Variants in MTUS2 observed in about 807,000 individuals in gnomAD.
The protein encoded by MTUS2 is microtubule associated scaffold protein 2.
In MTUS2, 40 loss-of-function variants were observed where a neutral mutation model predicts 114.1. The observed-to-expected ratio is 0.35, with a 90% CI of 0.27 to 0.46. The LOEUF (loss-of-function observed/expected upper bound fraction) is 0.46. Among genes scored for constraint, MTUS2 ranks in the 20% least tolerant of loss-of-function variants. The pLI is 1.00. For missense variants in MTUS2, 1,679 were observed against 1,705.4 expected (o/e 0.98, Z 0.27); for synonymous variants, 688 against 672.0 (o/e 1.02, Z -0.37).
At chr13:29,307,883 C>T (rs1899549973) in intron 6 of MTUS2, 1 of 565,502 alleles carries the variant, frequency 1.8e-6, no homozygotes, top group Non-Finnish European at 3.2e-6. Context: ...AGAATCCCCC[C>T]TCCTCAGAGT....
At chr13:29,204,233 C>G (rs1250438174) in intron 5 of MTUS2, among the ~76,000 whole-genome samples, 2 of 152,244 alleles carry the variant, frequency 1.3e-5, no homozygotes, top group Non-Finnish European at 2.9e-5. Flanking sequence ...GTTAGGATTA[C>G]AGGCATTAAC....
At chr13:29,204,051 C>T (rs1005997676) in intron 5 of MTUS2, among the ~76,000 whole-genome samples, 2 of 152,040 alleles carry the variant, frequency 1.3e-5, no homozygotes, top group Admixed American at 1.3e-4. Flanking sequence ...CCTCCACCTC[C>T]CAGTTTCAGG....
chr13:29,266,750 G>T (rs1593240761), intron 5 of MTUS2, among the ~76,000 whole-genome samples: 1 of 152,148 alleles, frequency 6.6e-6, no homozygotes, highest in South Asian at 2.1e-4. Flanking sequence ...GGAAAAATAT[G>T]TGGCTATGAT....
At chr13:28,891,696 G>T (rs2137914694) in intron 2 of MTUS2, among the ~76,000 whole-genome samples, 1 of 151,874 alleles carries the variant, frequency 6.6e-6, no homozygotes, top group South Asian at 2.1e-4. Flanking sequence ...TGACCAACAT[G>T]GTGAAATCCC....
intron 8 of MTUS2, among the ~76,000 whole-genome samples, chr13:29,384,216 G>A (rs1458443311): frequency 3.3e-5 from 5 of 152,206 alleles, no homozygotes; most frequent in East Asian, 1.9e-4. Context: ...AGAAACTTTC[G>A]TAGTGCAACA....
chr13:28,993,981 C>G (rs1290076057), intron 2 of MTUS2, among the ~76,000 whole-genome samples: 1 of 152,008 alleles, frequency 6.6e-6, no homozygotes, highest in East Asian at 1.9e-4. Flanking sequence ...ATACACGTGC[C>G]ATGTTGGTGT....
chr13:29,341,144 C>G (rs1053185205), intron 7 of MTUS2, among the ~76,000 whole-genome samples: 1 of 152,122 alleles, frequency 6.6e-6, no homozygotes, highest in African/African-American at 2.4e-5. Flanking sequence ...AAAATGAATT[C>G]TTTTCCTCTG....
At chr13:29,204,627 C>A (rs1164101594) in intron 5 of MTUS2, among the ~76,000 whole-genome samples, 2 of 152,218 alleles carry the variant, frequency 1.3e-5, no homozygotes, top group Non-Finnish European at 2.9e-5. Flanking sequence ...GCCTGGACCA[C>A]AGGGCCCAAT....
intron 9 of MTUS2, among the ~76,000 whole-genome samples, chr13:29,465,687 T>G (rs1879838295): frequency 6.6e-6 from 1 of 152,080 alleles, no homozygotes; most frequent in African/African-American, 2.4e-5. Flanking sequence ...AACTCCTCAG[T>G]CCCTGCTTGT....
chr13:29,111,719 C>A (rs893772613), intron 5 of MTUS2, among the ~76,000 whole-genome samples: 6 of 152,110 alleles, frequency 3.9e-5, no homozygotes, highest in African/African-American at 1.4e-4. Context: ...TTCGCAAAAA[C>A]CCTTGTGGTA....
intron 6 of MTUS2, among the ~76,000 whole-genome samples, chr13:29,318,248 A>G (rs1377790548): frequency 6.7e-6 from 1 of 150,262 alleles, no homozygotes; most frequent in African/African-American, 2.5e-5. Context: ...GCCTATAAAA[A>G]TGTTTTAGGT....
intron 2 of MTUS2, among the ~76,000 whole-genome samples, chr13:28,856,791 G>A (rs1223088660): frequency 3.9e-5 from 6 of 152,094 alleles, no homozygotes; most frequent in African/African-American, 1.2e-4. Flanking sequence ...TCCCTACCCC[G>A]CCAAAATAAA....
Position 28,906,087 on chromosome 13 carries a change from G to T in MTUS2, c.-243+66237G>T, listed in dbSNP as rs550902392. Reference sequence around the variant, plus strand: ...CTGATGGTAGTTTATATTTCTGTGGGATTGGTGGTGATATCCCCTTTATTA... The same window carrying T: ...CTGATGGTAGTTTATATTTCTGTGGTATTGGTGGTGATATCCCCTTTATTA... On this transcript the variant is annotated intron_variant, in intron 2 of 15. Coordinates refer to ENST00000612955, the MANE Select transcript of MTUS2 (RefSeq NM_001033602.4). 2.5e-4 allele frequency among the ~76,000 whole-genome samples: 38 copies of T among 151,598 alleles called. 1 individual carries two copies. The highest frequency in any genetic ancestry group is 9.2e-4 in the African/African-American group (38 of 41,146).
At chr13:29,354,644 A>T (rs1869589839) in intron 7 of MTUS2, among the ~76,000 whole-genome samples, 1 of 152,108 alleles carries the variant, frequency 6.6e-6, no homozygotes, top group Non-Finnish European at 1.5e-5. Flanking sequence ...TACTTATGGG[A>T]TGGCCTGGTG....
intron 2 of MTUS2, among the ~76,000 whole-genome samples, chr13:28,955,120 A>T (rs1266574612): frequency 6.6e-6 from 1 of 152,172 alleles, no homozygotes; most frequent in Admixed American, 6.5e-5. Flanking sequence ...GTCTGATAGG[A>T]TCCAAAGACT....
At chr13:28,962,413 T>G (rs1005375032) in intron 2 of MTUS2, among the ~76,000 whole-genome samples, 2 of 152,164 alleles carry the variant, frequency 1.3e-5, no homozygotes, top group Admixed American at 6.5e-5. Context: ...TAGACAAATA[T>G]AAGTTTACTG....
intron 2 of MTUS2, among the ~76,000 whole-genome samples, chr13:29,019,028 T>C (rs1462083254): frequency 6.6e-6 from 1 of 152,096 alleles, no homozygotes; most frequent in Non-Finnish European, 1.5e-5. Flanking sequence ...ACAATGGCCC[T>C]TACACAACTG....
chr13:29,317,715 G>A (rs180968083), intron 6 of MTUS2, among the ~76,000 whole-genome samples: 535 of 11,882 alleles, frequency 0.045, 206 homozygotes, highest in Non-Finnish European at 0.1. Context: ...TGGGATTACA[G>A]GCGTGAGCCA....
At position 29,424,870 on chromosome 13, in the gene MTUS2, G is replaced by A. The variant is rs1740488993; in HGVS notation, c.3118-15113G>A. ...GGGGTGGGGATTGCTGTTCATAGGA[G>A]ACCCAAGATACTTAAAACCTGATGT... On this transcript the variant is annotated intron_variant, in intron 8 of 15. Transcript: ENST00000612955. Among the ~76,000 whole-genome samples, 3 of 152,122 alleles carry A rather than the reference G, an allele frequency of 2.0e-5. No homozygotes were observed. The South Asian group carries it at 6.2e-4, about 32-fold the overall frequency.
Sources: allele counts gnomAD v4.1 joint callset (sites outside exome capture counted in the v4.1 genomes callset), GRCh38; gene constraint gnomAD v4.1.1; transcripts MANE v1.5; gene names NCBI Gene and HGNC (gene_info 2026-07-23, HGNC 2026-07-21).